The following SIMC1 variants were observed in gnomAD, a reference collection of about 807,000 sequenced individuals.
SIMC1 encodes SUMO-interacting motif-containing protein 1.
A neutral mutation model predicts 82.3 loss-of-function variants in SIMC1; 55 were observed. That is an observed-to-expected ratio of 0.67 (90% CI 0.54 to 0.84). SIMC1 has a LOEUF of 0.84. Ranked by LOEUF, SIMC1 falls within the 40% of genes least tolerant of loss-of-function variation. The pLI is 0.00. For synonymous variants in SIMC1, 353 were observed against 426.3 expected, an observed-to-expected ratio of 0.83 and a Z score of 2.12; for missense variants, 915 against 1,107.2, an observed-to-expected ratio of 0.83 and a Z score of 2.46.
At chr5:176,287,334 A>G (rs1763334726) in intron 1 of SIMC1, among the ~76,000 whole-genome samples, 1 of 152,244 alleles carries the variant, frequency 6.6e-6, no homozygotes, top group Non-Finnish European at 1.5e-5. Context: ...TTGTAGGGAC[A>G]TGGATGAAGC....
intron 1 of SIMC1, 139 bp from the exon 2 acceptor site, chr5:176,289,515 A>G (rs1485115109): frequency 2.4e-5 from 16 of 668,528 alleles, no homozygotes; most frequent in Non-Finnish European, 3.5e-5. Context: ...ACTATTGCTT[A>G]TGTTACACAA....
chr5:176,265,618 A>G (rs1460612361), intron 1 of SIMC1, among the ~76,000 whole-genome samples: 1 of 152,034 alleles, frequency 6.6e-6, no homozygotes, highest in East Asian at 1.9e-4. Context: ...TGTTGGAGTT[A>G]TTTCCTAGTT....
chr5:176,324,547 A>C, intron 6 of SIMC1, 82 bp from the exon 7 acceptor site: 1 of 1,443,394 alleles, frequency 6.9e-7, no homozygotes, highest in Admixed American at 2.2e-5. Flanking sequence ...CTCGATGTAC[A>C]CTGGTGGGGA....
At chr5:176,336,025 CAG>C (rs1765873936) in intron 7 of SIMC1, among the ~76,000 whole-genome samples, 1 of 131,884 alleles carries the variant, frequency 7.6e-6, no homozygotes, top group South Asian at 2.5e-4. Flanking sequence ...GCCTGGATGA[CAG>C]AGTGAGACCT....
At chr5:176,261,082 C>G (rs1761998229) in intron 1 of SIMC1, 1 of 152,126 alleles carries the variant, frequency 6.6e-6, no homozygotes, top group Non-Finnish European at 1.5e-5. Flanking sequence ...CCTCAGCTCA[C>G]TGCAACCTCT....
rs546922384 is a variant in SIMC1 at position 176,289,672 on chromosome 5, A to G, written c.148A>G (p.Arg50Gly). The G allele has an allele frequency of 1.1e-5, 17 of 1,606,014 alleles. No individual in the cohort carries two copies. The East Asian group carries it at 3.8e-4, about 36-fold the overall frequency. Residue 50 changes from arginine (R) to glycine (G), a missense_variant, in exon 2 of 10, where the codon AGA becomes GGA. This residue lies in a region of SIMC1 where 902 missense variants were observed against 1,040.3 expected (regional missense o/e 0.87). Coordinates refer to ENST00000429602, the MANE Select transcript of SIMC1 (RefSeq NM_001308195.2). ...RRTVDFIDLT[R>G]ETRPRTKDRS... ...TCAACAGGACTTCATTGACTTAACT[A>G]GAGAGACCAGACCAAGGACAAAAGA... is the stretch of plus-strand genomic sequence containing the variant.
chr5:176,305,719 C>A (rs79032971), intron 4 of SIMC1, among the ~76,000 whole-genome samples: 1 of 85,324 alleles, frequency 1.2e-5, no homozygotes, highest in Non-Finnish European at 2.5e-5. Context: ...GGGGGTCAGC[C>A]CCCCGCCCGG....
intron 4 of SIMC1, among the ~76,000 whole-genome samples, chr5:176,301,059 C>T (rs1261177793): frequency 3.3e-5 from 5 of 152,084 alleles, no homozygotes; most frequent in South Asian, 2.1e-4. Flanking sequence ...TGCAAAAAAC[C>T]GGAGAGATAA....
chr5:176,304,482 C>G (rs1485775857), intron 4 of SIMC1: 1 of 170,924 alleles, frequency 5.9e-6, no homozygotes, highest in African/African-American at 2.4e-5. Context: ...GTCTCGTTCA[C>G]TCAGTGCTCA....
At chr5:176,337,018 C>G in intron 8 of SIMC1, 44 bp from the exon 9 acceptor site, 5 of 1,604,966 alleles carry the variant, frequency 3.1e-6, no homozygotes, top group South Asian at 1.1e-5. Context: ...AAAATTTTAA[C>G]TGGGGAAGGC....
chr5:176,344,428 T>C (rs575974573), intron 9 of SIMC1, among the ~76,000 whole-genome samples: 59 of 150,642 alleles, frequency 3.9e-4, no homozygotes, highest in African/African-American at 1.2e-3. Context: ...CCCAGCACTT[T>C]GGGAGGCCGA....
At chr5:176,307,041 A>G (rs1045681208) in intron 4 of SIMC1, among the ~76,000 whole-genome samples, 2 of 152,210 alleles carry the variant, frequency 1.3e-5, no homozygotes, top group Non-Finnish European at 2.9e-5. Flanking sequence ...TGGCCAACAA[A>G]CTTCTGAAAA....
chr5:176,345,335 C>T lies in SIMC1; in HGVS notation c.2566C>T (p.Leu856Phe), dbSNP rs1458742312. 2.5e-6 allele frequency: 4 copies of T among 1,613,980 alleles called. No individual in the cohort carries two copies. The highest frequency in any genetic ancestry group is 3.4e-6 in the Non-Finnish European group (4 of 1,179,898). The change falls in exon 10 of 10, where the codon CTT becomes TTT. Residue 856 changes from leucine to phenylalanine, a missense_variant. By Grantham distance (22) the Leu-to-Phe change is conservative (BLOSUM62 0). This residue lies in a region of SIMC1 where 902 missense variants were observed against 1,040.3 expected (regional missense o/e 0.87). Transcript: ENST00000429602. The part of the protein sequence containing the change: ...SRLIQMLGEP[L>F]VPQLQDKVHL... ...CCTGATCCAGATGCTGGGGGAGCCT[C>T]TTGTCCCCCAACTCCAAGACAAAGT...
intron 4 of SIMC1, chr5:176,308,668 G>C: frequency 6.4e-7 from 1 of 1,567,848 alleles, no homozygotes; most frequent in South Asian, 1.1e-5. Flanking sequence ...TCCATTGAGG[G>C]CCAGAAGGAA....
At chr5:176,305,217 C>T (rs868572448) in intron 4 of SIMC1, among the ~76,000 whole-genome samples, 1,287 of 56,010 alleles carry the variant, frequency 0.023, 63 homozygotes, top group Admixed American at 0.034. Context: ...CCCGGCCAGC[C>T]GCCCCGTCTG....
intron 4 of SIMC1, among the ~76,000 whole-genome samples, chr5:176,307,135 A>G (rs955435226): frequency 3.3e-5 from 5 of 152,150 alleles, no homozygotes; most frequent in African/African-American, 7.2e-5. Context: ...AATGGCCACT[A>G]TTTTTTAAAA....
chr5:176,286,372 A>G (rs1307773079), intron 1 of SIMC1, among the ~76,000 whole-genome samples: 1 of 152,298 alleles, frequency 6.6e-6, no homozygotes, highest in Middle Eastern at 3.2e-3. Context: ...ACCTGACAAA[A>G]ACAAGCAATG....
intron 7 of SIMC1, 22 bp from the exon 8 acceptor site, chr5:176,336,698 C>T (rs1172485864): frequency 6.2e-7 from 1 of 1,611,764 alleles, no homozygotes; most frequent in Non-Finnish European, 8.5e-7. Flanking sequence ...TGATTAACTC[C>T]CTCTTCCTCT....
intron 4 of SIMC1, chr5:176,308,765 G>A: frequency 7.5e-7 from 1 of 1,331,604 alleles, no homozygotes; most frequent in Non-Finnish European, 1.1e-6. Flanking sequence ...CAGCAGTAGA[G>A]CTGCCCAAGA....
Sources: allele counts gnomAD v4.1 joint callset (sites outside exome capture counted in the v4.1 genomes callset), GRCh38; gene constraint gnomAD v4.1.1; regional missense constraint gnomAD v4.1.1; transcripts MANE v1.5; gene names NCBI Gene and HGNC (gene_info 2026-07-23, HGNC 2026-07-21).